The following SRPK2 variants were observed in gnomAD, a reference collection of about 807,000 sequenced individuals.
SRPK2 encodes SRSF protein kinase 2.
In SRPK2, 21 loss-of-function variants were observed where a neutral mutation model predicts 90.8. The observed-to-expected ratio is 0.23, with a 90% CI of 0.16 to 0.33. SRPK2 has a LOEUF of 0.33. Among genes scored for constraint, SRPK2 ranks in the 10% least tolerant of loss-of-function variants. The probability of loss-of-function intolerance (pLI) is 1.00; values close to 1 mark genes in which losing one functional copy is unlikely to be tolerated. For missense variants in SRPK2, 620 were observed against 869.0 expected, an observed-to-expected ratio of 0.71 and a Z score of 3.60; for synonymous variants, 288 against 311.1, an observed-to-expected ratio of 0.93 and a Z score of 0.78.
At chr7:105,370,028 A>AAAAAACAAC (rs1554525136) in intron 2 of SRPK2, among the ~76,000 whole-genome samples, 1 of 150,142 alleles carries the variant, frequency 6.7e-6, no homozygotes, top group Non-Finnish European at 1.5e-5. Context: ...ACTCCATCTC[A>AAAAAACAAC]AACAACAACA....
intron 2 of SRPK2, among the ~76,000 whole-genome samples, chr7:105,259,745 A>G (rs1803925880): frequency 6.6e-6 from 1 of 152,168 alleles, no homozygotes; most frequent in African/African-American, 2.4e-5. Context: ...ATCTACAACC[A>G]TCTAATCTTT....
At chr7:105,302,201 G>C in intron 2 of SRPK2, 1 of 777,166 alleles carries the variant, frequency 1.3e-6, no homozygotes, top group Admixed American at 2.2e-5. Flanking sequence ...ATTTTTGTAT[G>C]TTTCTTACAT....
intron 3 of SRPK2, among the ~76,000 whole-genome samples, chr7:105,199,774 T>C (rs975712134): frequency 1.3e-5 from 2 of 151,432 alleles, no homozygotes; most frequent in African/African-American, 4.9e-5. Flanking sequence ...AATATAAACA[T>C]AAAGGAAGCA....
intron 2 of SRPK2, among the ~76,000 whole-genome samples, chr7:105,322,556 T>C (rs117747646): frequency 0.022 from 3,295 of 152,182 alleles, 69 homozygotes; most frequent in Non-Finnish European, 0.034. Context: ...AAAATGCATA[T>C]TGGCTCCCAG....
chr7:105,167,864 G>C (rs1790284732), intron 5 of SRPK2, 144 bp downstream of exon 5: 2 of 631,286 alleles, frequency 3.2e-6, no homozygotes, highest in Non-Finnish European at 5.4e-6. Context: ...GCTCGCTTTG[G>C]CCTCCCAAAG....
intron 2 of SRPK2, among the ~76,000 whole-genome samples, chr7:105,227,991 A>G (rs1419983017): frequency 6.6e-5 from 10 of 151,850 alleles, no homozygotes; most frequent in Non-Finnish European, 1.3e-4. Context: ...CTAGCCTACT[A>G]TTTAGAAAAG....
At chr7:105,251,770 T>C (rs563980960) in intron 2 of SRPK2, among the ~76,000 whole-genome samples, 1 of 152,288 alleles carries the variant, frequency 6.6e-6, no homozygotes, top group South Asian at 2.1e-4. Flanking sequence ...TGTGGGGGTG[T>C]GTCTGGTGAT....
chr7:105,122,540 C>CA (rs1800540837), intron 15 of SRPK2, among the ~76,000 whole-genome samples: 1 of 152,160 alleles, frequency 6.6e-6, no homozygotes, highest in African/African-American at 2.4e-5. Flanking sequence ...TTTACAGCAT[C>CA]AAAAGAATCT....
At chr7:105,365,487 C>CAAAA (rs374198950) in intron 2 of SRPK2, among the ~76,000 whole-genome samples, 82 of 69,644 alleles carry the variant, frequency 1.2e-3, no homozygotes, top group African/African-American at 4.2e-3. Context: ...AATTCTGTCT[C>CAAAA]AAAAAAAAAA....
At chr7:105,322,788 AGTC>A in intron 2 of SRPK2, among the ~76,000 whole-genome samples, 1 of 151,910 alleles carries the variant, frequency 6.6e-6, no homozygotes, top group Non-Finnish European at 1.5e-5. Context: ...CTTATTAGCT[AGTC>A]TATACAATCT....
intron 2 of SRPK2, among the ~76,000 whole-genome samples, chr7:105,384,940 A>T (rs535883046): frequency 4.0e-5 from 6 of 151,024 alleles, no homozygotes; most frequent in African/African-American, 1.2e-4. Flanking sequence ...GCAGTGGCGC[A>T]ATCTCGGCTC....
At chr7:105,156,006 G>A (rs1042821282) in intron 7 of SRPK2, among the ~76,000 whole-genome samples, 37 of 152,166 alleles carry the variant, frequency 2.4e-4, no homozygotes, top group African/African-American at 8.0e-4. Context: ...GAGGGAAATA[G>A]GGTACCTGAG....
chr7:105,154,144 T>G (rs1472309454), intron 7 of SRPK2, among the ~76,000 whole-genome samples: 1 of 152,134 alleles, frequency 6.6e-6, no homozygotes, highest in Non-Finnish European at 1.5e-5. Context: ...CTCTAACTGG[T>G]GAGAATTAAT....
At chr7:105,377,825 T>C (rs547837185) in intron 2 of SRPK2, among the ~76,000 whole-genome samples, 2 of 152,266 alleles carry the variant, frequency 1.3e-5, no homozygotes, top group South Asian at 4.1e-4. Context: ...TTCAGAAACA[T>C]GGAATTAATC....
intron 2 of SRPK2, among the ~76,000 whole-genome samples, chr7:105,354,159 T>G (rs923525085): frequency 2.6e-5 from 4 of 152,210 alleles, no homozygotes; most frequent in Admixed American, 2.6e-4. Flanking sequence ...AGAGATGGGT[T>G]TGGGGCTAAG....
At chr7:105,309,110 C>T (rs1268697092) in intron 2 of SRPK2, among the ~76,000 whole-genome samples, 1 of 152,036 alleles carries the variant, frequency 6.6e-6, no homozygotes, top group African/African-American at 2.4e-5. Flanking sequence ...CATACACTCA[C>T]AAGAATACTA....
chr7:105,365,460 C>T (rs1380617615), intron 2 of SRPK2, among the ~76,000 whole-genome samples: 2 of 136,870 alleles, frequency 1.5e-5, no homozygotes, highest in Non-Finnish European at 3.0e-5. Context: ...CATTTCCAGC[C>T]TGGGCAACAA....
chr7:105,322,266 A>T (rs1293384169), intron 2 of SRPK2, among the ~76,000 whole-genome samples: 1 of 152,002 alleles, frequency 6.6e-6, no homozygotes, highest in Non-Finnish European at 1.5e-5. Flanking sequence ...AAAATCCAAA[A>T]ATTAGCCGGG....
chr7:105,234,611 T>C (rs1198187421), intron 2 of SRPK2, among the ~76,000 whole-genome samples: 1 of 152,156 alleles, frequency 6.6e-6, no homozygotes, highest in East Asian at 1.9e-4. Context: ...AAATAGTAAC[T>C]AAACCATCCT....
Sources: allele counts gnomAD v4.1 joint callset (sites outside exome capture counted in the v4.1 genomes callset), GRCh38; gene constraint gnomAD v4.1.1; transcripts MANE v1.5; gene names NCBI Gene and HGNC (gene_info 2026-07-23, HGNC 2026-07-21).